Variants in CUX2 observed in about 807,000 individuals in gnomAD.
CUX2 encodes homeobox protein cut-like 2.
Under a neutral mutation model 144.8 loss-of-function variants are expected in CUX2, and 40 were observed. The ratio of observed to expected loss-of-function variants is 0.28; its 90% CI spans 0.21 to 0.36. CUX2 has a LOEUF of 0.36. CUX2 is among the 10% of genes least tolerant of loss of function. The pLI, the probability that CUX2 is intolerant of heterozygous loss-of-function variation, is 1.00. For synonymous variants in CUX2, 827 were observed against 875.6 expected (o/e 0.94, Z 0.98); for missense variants, 1,615 against 1,994.0 (o/e 0.81, Z 3.62).
intron 3 of CUX2, among the ~76,000 whole-genome samples, chr12:111,228,949 G>A (rs1882321359): frequency 2.0e-5 from 3 of 152,046 alleles, no homozygotes; most frequent in Admixed American, 6.5e-5. Context: ...AACCACCATA[G>A]ACAATCTTTG....
chr12:111,174,494 A>C (rs1878729640), intron 1 of CUX2, among the ~76,000 whole-genome samples: 1 of 152,266 alleles, frequency 6.6e-6, no homozygotes, highest in South Asian at 2.1e-4. Context: ...AGTCACATGC[A>C]GCCCCTAGTT....
intron 4 of CUX2, among the ~76,000 whole-genome samples, chr12:111,279,046 C>T (rs1309082306): frequency 2.0e-5 from 3 of 152,106 alleles, no homozygotes; most frequent in Admixed American, 1.3e-4. Flanking sequence ...CAGCACTGTG[C>T]GCTGGGGGAG....
At chr12:111,330,716 T>G (rs11065869) in intron 18 of CUX2, among the ~76,000 whole-genome samples, 3 of 36,960 alleles carry the variant, frequency 8.1e-5, no homozygotes, top group African/African-American at 2.9e-4. Flanking sequence ...TATATATATA[T>G]ATATATATAT....
rs1003720346 is a variant in CUX2 at position 111,246,140 on chromosome 12, C to A, written c.223-17621C>A. ...CGGGGCAAGTCTCTTGACTTCTCTG[C>A]GCCTCAGTTTCCTCATCTGGAAAGT... On this transcript the variant is annotated intron_variant, in intron 3 of 21. Coordinates refer to ENST00000261726, the MANE Select transcript of CUX2 (RefSeq NM_015267.4). The surrounding 1 kb of genome is among the most constrained non-coding windows in gnomAD (Gnocchi z 4.0). Among the ~76,000 whole-genome samples, 2 of 152,160 alleles carry A rather than the reference C, an allele frequency of 1.3e-5. No homozygotes were observed. The highest frequency in any genetic ancestry group is 2.9e-5 in the Non-Finnish European group (2 of 68,032).
intron 1 of CUX2, among the ~76,000 whole-genome samples, chr12:111,079,353 G>A (rs557918743): frequency 2.6e-5 from 4 of 152,270 alleles, no homozygotes; most frequent in South Asian, 2.1e-4. Context: ...CATCATCTGC[G>A]ACACACAGCA....
In CUX2 at chr12:111,236,659, G is replaced by A. The variant is rs562565710; in HGVS notation, c.222+18722G>A. 3.3e-5 allele frequency among the ~76,000 whole-genome samples: 5 copies of A among 152,314 alleles called. No individual in the cohort carries two copies. The South Asian group carries it at 1.0e-3, about 32-fold the overall frequency. On this transcript the variant is annotated intron_variant, in intron 3 of 21. Transcript: ENST00000261726. The stretch of plus-strand genomic sequence containing the variant: ...AGGCCTGATTGGCACTGGTTCAAGA[G>A]AAATGCCCAGAAGACAAGAAAAAGA...
intron 1 of CUX2, among the ~76,000 whole-genome samples, chr12:111,053,909 C>A (rs1382758511): frequency 6.6e-6 from 1 of 152,202 alleles, no homozygotes; most frequent in Non-Finnish European, 1.5e-5. Flanking sequence ...AATCCTAACG[C>A]TTTGGGAGGC....
intron 1 of CUX2, among the ~76,000 whole-genome samples, chr12:111,087,520 A>T (rs1359312333): frequency 1.3e-5 from 2 of 152,194 alleles, no homozygotes; most frequent in Non-Finnish European, 2.9e-5. Context: ...GAGAAAACAC[A>T]CGCAAGTGCT....
At chr12:111,214,942 T>C (rs2136225798) in intron 2 of CUX2, among the ~76,000 whole-genome samples, 1 of 152,280 alleles carries the variant, frequency 6.6e-6, no homozygotes, top group Middle Eastern at 3.4e-3. Context: ...GTGAATTCTT[T>C]TCCATCCTCT....
intron 1 of CUX2, among the ~76,000 whole-genome samples, chr12:111,127,926 A>T (rs1368833497): frequency 6.6e-6 from 1 of 152,172 alleles, no homozygotes; most frequent in African/African-American, 2.4e-5. Context: ...TATGGGGGAA[A>T]CTGCCCTCAT....
intron 1 of CUX2, among the ~76,000 whole-genome samples, chr12:111,041,013 T>C (rs1327838648): frequency 1.3e-5 from 2 of 152,144 alleles, no homozygotes; most frequent in Admixed American, 6.5e-5. Context: ...TGGATCAAAC[T>C]CAGTTCCCAA....
chr12:111,348,452 C>T lies in CUX2; in HGVS notation c.*127C>T, dbSNP rs1180101831. Reference sequence around the variant, plus strand: ...CAAAATGTGGACAGCAATGTTATGCCGTTTACGTTTTTTGTTGTAATCCTA... The same window carrying T: ...CAAAATGTGGACAGCAATGTTATGCTGTTTACGTTTTTTGTTGTAATCCTA... On this transcript the variant is annotated 3_prime_UTR_variant, in exon 22 of 22. Transcript: ENST00000261726. 6.5e-6 allele frequency: 6 copies of T among 917,290 alleles called. No individual in the cohort carries two copies. The highest frequency in any genetic ancestry group is 2.8e-5 in the Admixed American group (1 of 36,282). The allele number at this position is 917,290 out of a possible 1,614,324, so 56.8% of individuals were successfully genotyped here.
intron 18 of CUX2, among the ~76,000 whole-genome samples, chr12:111,327,742 G>A (rs181767039): frequency 1.3e-5 from 2 of 152,046 alleles, no homozygotes; most frequent in African/African-American, 2.4e-5. Flanking sequence ...TAGAGGTGGC[G>A]GGGTCCCCTG....
Position 111,320,263 on chromosome 12 carries a change from G to T in CUX2, c.2254G>T (p.Gly752Trp), listed in dbSNP as rs775701742. 1.9e-6 allele frequency: 3 copies of T among 1,591,168 alleles called. No homozygotes were observed. Among genetic ancestry groups the T allele is most frequent in the Non-Finnish European group, 8.5e-7 (1 of 1,176,092 alleles). The change falls in exon 17 of 22, where the codon GGG becomes TGG. Residue 752 changes from glycine to tryptophan, a missense_variant. By Grantham distance (184) the Gly-to-Trp change is radical. Transcript: ENST00000261726. This position sits in a 1 kb window ranked among gnomAD's most constrained non-coding sequence, Gnocchi z 8.1. ...PALVKQEEGS[G>W]GPAQAPLPVL... is the part of the protein sequence containing the mutation. ...CTTGGTGAAGCAGGAGGAGGGCAGC[G>T]GGGGCCCCGCGCAGGCGCCGCTCCC...
At chr12:111,302,418 T>C (rs1165954801) in intron 9 of CUX2, among the ~76,000 whole-genome samples, 2 of 152,174 alleles carry the variant, frequency 1.3e-5, no homozygotes, top group East Asian at 1.9e-4. Flanking sequence ...CCCTATGAGA[T>C]AGTTGCCTTT....
At chr12:111,097,797 C>G (rs767670311) in intron 1 of CUX2, among the ~76,000 whole-genome samples, 34 of 152,156 alleles carry the variant, frequency 2.2e-4, no homozygotes, top group Non-Finnish European at 2.5e-4. Context: ...ACCTGGGGCA[C>G]AGCATTGGGC....
intron 1 of CUX2, among the ~76,000 whole-genome samples, chr12:111,040,022 C>T (rs987049100): frequency 1.6e-4 from 24 of 152,252 alleles, no homozygotes; most frequent in East Asian, 1.9e-4. Context: ...CGAGGTGGCT[C>T]ATGCCTATAA....
intron 18 of CUX2, among the ~76,000 whole-genome samples, chr12:111,326,546 G>C (rs1887829903): frequency 6.6e-6 from 1 of 151,892 alleles, no homozygotes; most frequent in South Asian, 2.1e-4. Flanking sequence ...ACCCAGGCTG[G>C]AGTGGTGAGC....
At chr12:111,185,901 C>T (rs1879497997) in intron 1 of CUX2, among the ~76,000 whole-genome samples, 1 of 151,364 alleles carries the variant, frequency 6.6e-6, no homozygotes, top group Non-Finnish European at 1.5e-5. Flanking sequence ...CTCATTCTCC[C>T]TCTCTCTCTC....
Sources: allele counts gnomAD v4.1 joint callset (sites outside exome capture counted in the v4.1 genomes callset), GRCh38; gene constraint gnomAD v4.1.1; non-coding constraint Gnocchi (gnomAD v3.1); transcripts MANE v1.5; gene names NCBI Gene and HGNC (gene_info 2026-07-23, HGNC 2026-07-21).